The following LYST variants were observed in gnomAD, a reference collection of about 807,000 sequenced individuals.
LYST encodes lysosomal trafficking regulator.
LYST carries 192 observed loss-of-function variants against 413.6 expected under a neutral mutation model. That is an observed-to-expected ratio of 0.46 (90% CI 0.41 to 0.52). LYST has a LOEUF of 0.52. Ranked by LOEUF, LYST falls within the 20% of genes least tolerant of loss-of-function variation. The pLI, the probability that LYST is intolerant of heterozygous loss-of-function variation, is 0.00. For missense variants in LYST, 3,815 were observed against 4,499.9 expected, an observed-to-expected ratio of 0.85 and a Z score of 4.35; for synonymous variants, 1,525 against 1,567.3, an observed-to-expected ratio of 0.97 and a Z score of 0.64.
intron 10 of LYST, among the ~76,000 whole-genome samples, chr1:235,794,383 C>T (rs1572279589): frequency 6.6e-6 from 1 of 152,204 alleles, no homozygotes; most frequent in Non-Finnish European, 1.5e-5. Context: ...TGAACATTTT[C>T]TTTATTCCAT....
intron 1 of LYST, among the ~76,000 whole-genome samples, chr1:235,846,898 A>C (rs1677948852): frequency 6.6e-6 from 1 of 152,140 alleles, no homozygotes. Context: ...ACCACACCTA[A>C]GAATAATCAG....
rs989783441 is a variant in LYST at position 235,850,325 on chromosome 1, G to A, written c.-98+16518C>T. ...TGCTGGAATAATCAGCTAGCCGCAT[G>A]TAGGAGAATGAAACTGGATCCTCAT... On this transcript the variant is annotated intron_variant, in intron 1 of 52. Transcript: ENST00000389793. Among the ~76,000 whole-genome samples, 118 of 152,122 alleles carry A rather than the reference G, an allele frequency of 7.8e-4. 1 individual carries two copies. The highest frequency in any genetic ancestry group is 2.8e-3 in the African/African-American group (114 of 41,432).
At chr1:235,803,123 T>C in intron 7 of LYST, 59 bp from the exon 8 acceptor site, 1 of 1,346,570 alleles carries the variant, frequency 7.4e-7, no homozygotes, top group East Asian at 2.3e-5. Flanking sequence ...AATAGAATAC[T>C]TATTACTCAA....
intron 1 of LYST, among the ~76,000 whole-genome samples, chr1:235,835,212 C>T (rs796808736): frequency 2.6e-4 from 39 of 152,178 alleles, no homozygotes; most frequent in African/African-American, 8.4e-4. Context: ...CCACCGTGCC[C>T]AGCCCATAGA....
At chr1:235,784,757 G>A (rs1034279992) in intron 14 of LYST, among the ~76,000 whole-genome samples, 2 of 152,164 alleles carry the variant, frequency 1.3e-5, no homozygotes, top group African/African-American at 4.8e-5. Flanking sequence ...AGAGTGCCTA[G>A]GAGAAAGGGG....
chr1:235,717,214 A>C (rs913656360), intron 40 of LYST, among the ~76,000 whole-genome samples: 4 of 152,204 alleles, frequency 2.6e-5, no homozygotes, highest in African/African-American at 9.7e-5. Flanking sequence ...ACAGAGGAAG[A>C]TGCTGTGTTA....
chr1:235,813,693 G>A (rs1172551921), intron 3 of LYST, among the ~76,000 whole-genome samples: 1 of 152,190 alleles, frequency 6.6e-6, no homozygotes, highest in Non-Finnish European at 1.5e-5. Flanking sequence ...ACAGCAGAAG[G>A]CATGTAGTAT....
intron 14 of LYST, among the ~76,000 whole-genome samples, chr1:235,782,884 C>A (rs899168102): frequency 6.6e-6 from 1 of 152,178 alleles, no homozygotes; most frequent in African/African-American, 2.4e-5. Context: ...ATACTTTCTG[C>A]ATTTTCTGTT....
chr1:235,839,889 T>A (rs7526516), intron 1 of LYST: 1 of 151,954 alleles, frequency 6.6e-6, no homozygotes, highest in African/African-American at 2.4e-5. Context: ...CATGTGGCCA[T>A]GTTCCCTCTC....
intron 46 of LYST, among the ~76,000 whole-genome samples, chr1:235,694,073 A>G (rs1430279384): frequency 2.7e-5 from 4 of 148,646 alleles, no homozygotes; most frequent in African/African-American, 7.5e-5. Context: ...GCCGTGGCGC[A>G]ATCTCGGCTC....
intron 34 of LYST, 98 bp from the exon 35 acceptor site, chr1:235,731,275 G>A: frequency 9.9e-7 from 1 of 1,013,172 alleles, no homozygotes; most frequent in Non-Finnish European, 1.6e-6. Flanking sequence ...AGTCACAACT[G>A]ATCTGTTAAT....
chr1:235,784,738 A>G (rs549435881), intron 14 of LYST, among the ~76,000 whole-genome samples: 12 of 152,306 alleles, frequency 7.9e-5, no homozygotes, highest in African/African-American at 2.9e-4. Flanking sequence ...AGCTCAAGAA[A>G]TTGAGTGGAG....
intron 50 of LYST, among the ~76,000 whole-genome samples, chr1:235,669,074 A>G (rs1206761549): frequency 2.0e-5 from 3 of 152,214 alleles, no homozygotes; most frequent in South Asian, 2.1e-4. Flanking sequence ...ATAATGAAAA[A>G]TAAGTATTTG....
intron 14 of LYST, 90 bp from the exon 15 acceptor site, chr1:235,782,177 ATTCT>A: frequency 8.9e-7 from 1 of 1,125,016 alleles, no homozygotes; most frequent in Non-Finnish European, 1.3e-6. Context: ...ACAATGGGGA[ATTCT>A]TTTTTTTTTT....
chr1:235,716,860 T>A (rs191600226), intron 40 of LYST, 82 bp from the exon 41 acceptor site: 8 of 794,876 alleles, frequency 1.0e-5, no homozygotes, highest in African/African-American at 6.8e-5. Flanking sequence ...ATCTTGTAAG[T>A]AGGTAAGTGG....
chr1:235,863,654 A>T (rs1050422604), intron 1 of LYST, among the ~76,000 whole-genome samples: 1 of 152,126 alleles, frequency 6.6e-6, no homozygotes, highest in African/African-American at 2.4e-5. Flanking sequence ...TAAAACTACA[A>T]TTGGGAAAAG....
At chr1:235,697,832 C>T (rs12125300) in intron 45 of LYST, among the ~76,000 whole-genome samples, 49,030 of 151,936 alleles carry the variant, frequency 0.32, 8,470 homozygotes, top group Non-Finnish European at 0.37. Flanking sequence ...ATTAGAGAAT[C>T]TCTAGCCAGT....
At position 235,800,310 on chromosome 1, in the gene LYST, T is replaced by C; in HGVS notation, c.4006+10A>G. Reference sequence around the variant, plus strand: ...TTTCAGAGCTATTGTTTAAAACAGTTTCAACTTACCTTGAAAATCAGAATC... The same window carrying C: ...TTTCAGAGCTATTGTTTAAAACAGTCTCAACTTACCTTGAAAATCAGAATC... On this transcript the variant is annotated intron_variant, in intron 10 of 52. Transcript: ENST00000389793. 6.5e-7 allele frequency: 1 copy of C among 1,542,598 alleles called. No homozygotes were observed. Among genetic ancestry groups the C allele is most frequent in the South Asian group, 1.1e-5 (1 of 89,618 alleles).
intron 5 of LYST, among the ~76,000 whole-genome samples, chr1:235,807,311 C>T (rs1398279740): frequency 6.6e-6 from 1 of 152,174 alleles, no homozygotes; most frequent in Admixed American, 6.5e-5. Flanking sequence ...ATTGAACAGT[C>T]AATGGTACAA....
Sources: allele counts gnomAD v4.1 joint callset (sites outside exome capture counted in the v4.1 genomes callset), GRCh38; gene constraint gnomAD v4.1.1; transcripts MANE v1.5; gene names NCBI Gene and HGNC (gene_info 2026-07-23, HGNC 2026-07-21).